FGF13: variants seen among roughly 807,000 people sequenced by gnomAD.
FGF13 encodes the protein fibroblast growth factor homologous factor 2.
A neutral mutation model predicts 19.5 loss-of-function variants in FGF13; 2 were observed. The ratio of observed to expected loss-of-function variants is 0.10; its 90% confidence interval spans 0.04 to 0.32. The LOEUF (loss-of-function observed/expected upper bound fraction) is 0.32. FGF13 is among the 10% of genes least tolerant of loss of function. FGF13 has a pLI of 1.00. For missense variants in FGF13, 113 were observed against 192.7 expected (o/e 0.59, Z 2.45); for synonymous variants, 72 against 76.9 (o/e 0.94, Z 0.33).
chrX:138,669,613 TA>T (rs748085221), intron 3 of FGF13, among the ~76,000 whole-genome samples: 3 of 111,364 alleles, frequency 2.7e-5, no homozygotes, highest in Non-Finnish European at 5.7e-5. Flanking sequence ...TGTCAGTTGA[TA>T]AGAGTATACT....
intron 1 of FGF13, among the ~76,000 whole-genome samples, chrX:139,101,259 T>A (rs1017648561): frequency 1.8e-5 from 2 of 112,418 alleles, no homozygotes; most frequent in African/African-American, 6.5e-5. Flanking sequence ...GCCAATAGTC[T>A]ACTATCCCTC....
intron 1 of FGF13, among the ~76,000 whole-genome samples, chrX:138,909,814 C>G (rs1336227700): frequency 1.8e-5 from 2 of 111,505 alleles, no homozygotes; most frequent in Admixed American, 1.9e-4. Context: ...GACATTTTTC[C>G]AAAGTGAGAG....
chrX:138,862,701 CTA>C (rs1473770343), intron 2 of FGF13, among the ~76,000 whole-genome samples: 1 of 112,071 alleles, frequency 8.9e-6, no homozygotes, highest in Non-Finnish European at 1.9e-5. Flanking sequence ...ACCATGGACA[CTA>C]TGAAGTTAGC....
At chrX:138,699,750 C>T (rs758092597) in intron 3 of FGF13, among the ~76,000 whole-genome samples, 2 of 112,129 alleles carry the variant, frequency 1.8e-5, no homozygotes, top group South Asian at 7.4e-4. Flanking sequence ...AAGCTCTCTC[C>T]TCTTCTTATG....
chrX:138,823,631 A>G (rs1459044743), intron 3 of FGF13, among the ~76,000 whole-genome samples: 2 of 111,793 alleles, frequency 1.8e-5, no homozygotes, highest in East Asian at 5.7e-4. Context: ...GGGCACCTTG[A>G]ATCTATTTCA....
chrX:139,045,084 T>C (rs1011244239), intron 1 of FGF13, among the ~76,000 whole-genome samples: 20 of 112,449 alleles, frequency 1.8e-4, no homozygotes, highest in African/African-American at 6.5e-4. Flanking sequence ...GAAATCTAAG[T>C]GGAGGCTGCC....
chrX:138,931,219 T>C (rs1217454528), intron 1 of FGF13, among the ~76,000 whole-genome samples: 1 of 111,250 alleles, frequency 9.0e-6, no homozygotes, highest in Non-Finnish European at 1.9e-5. Context: ...GCAGACTTGG[T>C]CCTTTACTGA....
intron 2 of FGF13, among the ~76,000 whole-genome samples, chrX:138,862,103 C>T (rs1310968438): frequency 2.7e-5 from 3 of 111,982 alleles, no homozygotes; most frequent in African/African-American, 9.7e-5. Flanking sequence ...TTCAAGACTA[C>T]CCCTGTCTCC....
At chrX:138,649,179 C>A (rs769797356) in intron 3 of FGF13, among the ~76,000 whole-genome samples, 1 of 111,633 alleles carries the variant, frequency 9.0e-6, no homozygotes, top group South Asian at 3.8e-4. Context: ...TTATAAGTTG[C>A]ATCATTTATT....
intron 1 of FGF13, among the ~76,000 whole-genome samples, chrX:138,972,547 C>T (rs1603085655): frequency 9.1e-6 from 1 of 109,555 alleles, no homozygotes; most frequent in Admixed American, 9.8e-5. Flanking sequence ...TTAGTACACA[C>T]GGGGTTTCAC....
intron 1 of FGF13, among the ~76,000 whole-genome samples, chrX:139,192,501 AAAAC>A (rs200396557): frequency 9.0e-6 from 1 of 111,591 alleles, no homozygotes; most frequent in Admixed American, 9.5e-5. Flanking sequence ...TTGTTTAGAA[AAAAC>A]AAACAAACCC....
In FGF13 at chrX:138,753,744, G is replaced by C. The variant is rs761410005; in HGVS notation, c.218-44816C>G. Among the ~76,000 whole-genome samples the C allele has an allele frequency of 4.8e-4, 54 of 112,071 alleles. No homozygotes were observed. The South Asian group carries it at 0.018, about 37-fold the overall frequency. On this transcript the variant is annotated intron_variant, in intron 3 of 6. Coordinates refer to the FGF13 transcript ENST00000436198. ...GACAGGATTGAGATGTGTCCTGGCT[G>C]ACTACACTTGACAGTTAACAAGAAT...
At chrX:138,798,189 G>A (rs1276804887) in intron 3 of FGF13, among the ~76,000 whole-genome samples, 2 of 111,611 alleles carry the variant, frequency 1.8e-5, no homozygotes, top group Admixed American at 9.5e-5. Flanking sequence ...TATGATATTG[G>A]CTAGGGGTTT....
chrX:138,972,056 T>TTGTG lies in FGF13; in HGVS notation c.-112-107410_-112-107407dup, dbSNP rs370317832. Among the ~76,000 whole-genome samples, 96 of 94,981 alleles carry TTGTG rather than the reference T, an allele frequency of 1.0e-3. 1 individual carries two copies. Among genetic ancestry groups the TTGTG allele is most frequent in the African/African-American group, 2.1e-3 (54 of 26,243 alleles). 82.5% of individuals were successfully genotyped at this position (94,981 alleles called of 115,157 possible). On this transcript the variant is annotated intron_variant, in intron 1 of 2. Coordinates refer to the FGF13 transcript ENST00000421460. Reference sequence around the variant, plus strand: ...CTTTTTATGGCTCACTAGTATTCTATTGTGTGTGTGTGTGTGTGTGTGTAT... The same window carrying TTGTG: ...CTTTTTATGGCTCACTAGTATTCTATTGTGTGTGTGTGTGTGTGTGTGTGTGTAT...
Position 138,840,031 on chromosome X carries a change from G to A in FGF13, c.217+17481C>T, listed in dbSNP as rs183690045. Among the ~76,000 whole-genome samples the A allele has an allele frequency of 8.0e-5, 9 of 111,836 alleles. No homozygotes were observed. The East Asian group carries it at 2.5e-3, about 32-fold the overall frequency. On this transcript the variant is annotated intron_variant, in intron 3 of 6. Transcript: ENST00000436198. ...GCACTTTAGCAATGGTGGCTATGGTGTTGCTGCTCTTAATCCAATGTCAGA... is the reference window on the plus strand; with the variant it reads ...GCACTTTAGCAATGGTGGCTATGGTATTGCTGCTCTTAATCCAATGTCAGA...
At chrX:138,797,548 T>C (rs2090788418) in intron 3 of FGF13, among the ~76,000 whole-genome samples, 1 of 111,901 alleles carries the variant, frequency 8.9e-6, no homozygotes, top group Admixed American at 9.5e-5. Flanking sequence ...CGGGTTCTTT[T>C]TTGGTTCCAT....
At chrX:138,883,385 C>T (rs1018874586) in intron 1 of FGF13, among the ~76,000 whole-genome samples, 1 of 111,359 alleles carries the variant, frequency 9.0e-6, no homozygotes, top group African/African-American at 3.3e-5. Flanking sequence ...TAAAAGAAAG[C>T]TTTTCTTCAG....
rs751133508 is a variant in FGF13 at position 138,650,274 on chromosome X, C to T, written c.403-14619G>A. Among the ~76,000 whole-genome samples, 4 of 112,157 alleles carry T rather than the reference C, an allele frequency of 3.6e-5. No individual in the cohort carries two copies. The South Asian group carries it at 1.5e-3, about 41-fold the overall frequency. On this transcript the variant is annotated intron_variant, in intron 3 of 4. Coordinates refer to ENST00000315930, the MANE Select transcript of FGF13 (RefSeq NM_004114.5). ...TCCAAAAGGATTCATTTGGTAAATT[C>T]ATGTTATAGTTAAGTATTCTATTAT...
At chrX:138,971,738 C>T (rs769371977) in intron 1 of FGF13, among the ~76,000 whole-genome samples, 6 of 111,260 alleles carry the variant, frequency 5.4e-5, no homozygotes, top group East Asian at 2.8e-4. Flanking sequence ...ACTCAAAATC[C>T]GCTATTTTGA....
Sources: allele counts gnomAD v4.1 joint callset (sites outside exome capture counted in the v4.1 genomes callset), GRCh38; gene constraint gnomAD v4.1.1; transcripts MANE v1.5; gene names NCBI Gene and HGNC (gene_info 2026-07-23, HGNC 2026-07-21).